ARB2A: variants seen among roughly 807,000 people sequenced by gnomAD.
ARB2A encodes cotranscriptional regulator ARB2A.
the ARB2A span, among the ~76,000 whole-genome samples, chr5:93,964,150 A>G: frequency 2.6e-5 from 4 of 152,054 alleles, no homozygotes; most frequent in African/African-American, 9.7e-5. Flanking sequence ...AAATAAAAAT[A>G]AATTATTCCA....
At chr5:93,618,389 A>G in the ARB2A span, 1 of 152,088 alleles carries the variant, frequency 6.6e-6, no homozygotes, top group Non-Finnish European at 1.5e-5. Flanking sequence ...TTGTTCTAAG[A>G]ATTAAGTATA....
chr5:93,683,856 G>T, the ARB2A span, among the ~76,000 whole-genome samples: 1 of 152,082 alleles, frequency 6.6e-6, no homozygotes, highest in Admixed American at 6.5e-5. Flanking sequence ...AACCAGAGAT[G>T]AAAATGAATT....
the ARB2A span, among the ~76,000 whole-genome samples, chr5:93,971,795 A>G: frequency 1.3e-5 from 2 of 152,058 alleles, no homozygotes; most frequent in Non-Finnish European, 2.9e-5. Context: ...AAATATACCA[A>G]TAAATGGGGG....
the ARB2A span, among the ~76,000 whole-genome samples, chr5:93,686,264 A>G: frequency 1.2e-3 from 185 of 152,260 alleles, no homozygotes; most frequent in Non-Finnish European, 2.1e-3. Context: ...TATTCAAAAG[A>G]TGCTTCTTTC....
chr5:93,774,387 G>C, the ARB2A span, among the ~76,000 whole-genome samples: 9 of 152,174 alleles, frequency 5.9e-5, no homozygotes, highest in Non-Finnish European at 8.8e-5. Flanking sequence ...AGCCAAGATG[G>C]GCTGAAATTT....
the ARB2A span, chr5:93,737,910 T>G: frequency 1.1e-5 from 5 of 448,596 alleles, no homozygotes. Flanking sequence ...GAGCAAATCT[T>G]CATGACTTTG....
the ARB2A span, among the ~76,000 whole-genome samples, chr5:93,986,223 C>T: frequency 7.3e-5 from 11 of 151,684 alleles, no homozygotes; most frequent in African/African-American, 2.2e-4. Context: ...CCCCTCTGCC[C>T]GGCTGCCCGG....
the ARB2A span, among the ~76,000 whole-genome samples, chr5:93,850,997 CTTT>C: frequency 6.6e-6 from 1 of 152,018 alleles, no homozygotes; most frequent in Non-Finnish European, 1.5e-5. Flanking sequence ...GGTTCTTCTT[CTTT>C]TTATTTTTTT....
the ARB2A span, among the ~76,000 whole-genome samples, chr5:94,030,008 A>G: frequency 6.6e-6 from 1 of 152,180 alleles, no homozygotes; most frequent in African/African-American, 2.4e-5. Flanking sequence ...GAGTTTGTGC[A>G]GGGAAACTCC....
At chr5:93,912,919 A>T in the ARB2A span, among the ~76,000 whole-genome samples, 1 of 151,842 alleles carries the variant, frequency 6.6e-6, no homozygotes, top group African/African-American at 2.4e-5. Flanking sequence ...TTAAAAAAAA[A>T]TTTAGCATAC....
At chr5:93,873,177 A>G in the ARB2A span, among the ~76,000 whole-genome samples, 1 of 151,940 alleles carries the variant, frequency 6.6e-6, no homozygotes, top group Non-Finnish European at 1.5e-5. Flanking sequence ...CTGTAGTCCC[A>G]GCTACTTGGA....
At chr5:94,016,184 G>T in the ARB2A span, among the ~76,000 whole-genome samples, 2 of 152,246 alleles carry the variant, frequency 1.3e-5, no homozygotes, top group East Asian at 3.9e-4. Context: ...TGTTAAAAGA[G>T]ATAAACAAAG....
chr5:93,888,744 TACC>T, the ARB2A span, among the ~76,000 whole-genome samples: 1 of 151,874 alleles, frequency 6.6e-6, no homozygotes. Context: ...ATATTAAATA[TACC>T]ACCTTTCTCT....
At chr5:94,023,954 G>A in the ARB2A span, among the ~76,000 whole-genome samples, 1 of 152,126 alleles carries the variant, frequency 6.6e-6, no homozygotes, top group African/African-American at 2.4e-5. Context: ...AGAAAGAAAT[G>A]GTGGGTTTCT....
the ARB2A span, among the ~76,000 whole-genome samples, chr5:93,830,619 G>A: frequency 6.6e-6 from 1 of 151,668 alleles, no homozygotes; most frequent in Non-Finnish European, 1.5e-5. Context: ...AATTCTTCCT[G>A]TATACTGTTG....
At chr5:93,971,258 A>C in the ARB2A span, among the ~76,000 whole-genome samples, 2 of 152,016 alleles carry the variant, frequency 1.3e-5, no homozygotes, top group Non-Finnish European at 2.9e-5. Context: ...TCGGCCTCCC[A>C]AAAACTTTCA....
chr5:94,111,057 T>C, the ARB2A span, among the ~76,000 whole-genome samples: 2 of 152,190 alleles, frequency 1.3e-5, no homozygotes, highest in Non-Finnish European at 2.9e-5. Flanking sequence ...CCCGCGCCCA[T>C]GCATGTTACA....
the ARB2A span, among the ~76,000 whole-genome samples, chr5:93,937,153 G>A: frequency 3.3e-5 from 5 of 151,726 alleles, no homozygotes; most frequent in South Asian, 2.1e-4. Context: ...GATTACAGGC[G>A]TGAGCCACCG....
the ARB2A span, among the ~76,000 whole-genome samples, chr5:93,753,394 C>G: frequency 1.3e-5 from 2 of 152,174 alleles, no homozygotes; most frequent in African/African-American, 4.8e-5. Context: ...AACAGTCAAC[C>G]TGGACTATTT....
Sources: gnomAD v4.1 joint callset for allele counts (sites outside exome capture counted in the v4.1 genomes callset) on GRCh38, gnomAD v4.1.1 for gene constraint, MANE v1.5 for transcripts, NCBI Gene and HGNC (gene_info 2026-07-23, HGNC 2026-07-21) for gene names.